STXBP5L: variants seen among roughly 807,000 people sequenced by gnomAD.
The protein encoded by STXBP5L is syntaxin binding protein 5L.
STXBP5L carries 65 observed loss-of-function variants against 144.5 expected under a neutral mutation model. That is an observed-to-expected ratio of 0.45 (90% CI 0.37 to 0.55). The LOEUF is 0.55. STXBP5L is among the 20% of genes least tolerant of loss of function. The pLI is 0.00. For synonymous variants in STXBP5L, 505 were observed against 469.6 expected (o/e 1.08, Z -0.97); for missense variants, 1,298 against 1,405.5 (o/e 0.92, Z 1.22).
intron 5 of STXBP5L, among the ~76,000 whole-genome samples, chr3:121,081,470 T>TAG (rs1369635796): frequency 2.2e-4 from 34 of 152,138 alleles, no homozygotes; most frequent in African/African-American, 7.7e-4. Context: ...TCTGTATGAG[T>TAG]TACTTAGTTA....
chr3:121,127,759 A>C (rs1259720487), intron 7 of STXBP5L, among the ~76,000 whole-genome samples: 2 of 151,960 alleles, frequency 1.3e-5, no homozygotes, highest in African/African-American at 4.8e-5. Context: ...CTGGGATGGA[A>C]AAATTTATAT....
chr3:121,355,796 T>C (rs1244632710), intron 20 of STXBP5L, among the ~76,000 whole-genome samples: 1 of 152,244 alleles, frequency 6.6e-6, no homozygotes, highest in Non-Finnish European at 1.5e-5. Flanking sequence ...TCAGCTTTTC[T>C]GCTCTGGTTT....
chr3:121,049,025 CCTT>C (rs1326022415), intron 5 of STXBP5L, among the ~76,000 whole-genome samples: 2 of 152,206 alleles, frequency 1.3e-5, no homozygotes, highest in Non-Finnish European at 2.9e-5. Context: ...CCTGCTTGCT[CCTT>C]CTGTGAGCTC....
chr3:121,017,728 A>T (rs2108185481), intron 3 of STXBP5L, among the ~76,000 whole-genome samples: 1 of 152,324 alleles, frequency 6.6e-6, no homozygotes, highest in Middle Eastern at 3.4e-3. Flanking sequence ...AATACATGTA[A>T]GATCTATATA....
At chr3:121,266,192 C>A (rs1022887618) in intron 18 of STXBP5L, among the ~76,000 whole-genome samples, 1 of 152,184 alleles carries the variant, frequency 6.6e-6, no homozygotes, top group African/African-American at 2.4e-5. Context: ...AAATGTCAGA[C>A]CAATATCCCT....
At chr3:120,973,102 G>A (rs1163046083) in intron 3 of STXBP5L, among the ~76,000 whole-genome samples, 1 of 151,948 alleles carries the variant, frequency 6.6e-6, no homozygotes, top group Non-Finnish European at 1.5e-5. Context: ...GAGTTATGTA[G>A]GATTCCCTTC....
chr3:121,362,864 C>T (rs2045754165), intron 20 of STXBP5L, among the ~76,000 whole-genome samples: 1 of 152,148 alleles, frequency 6.6e-6, no homozygotes, highest in Admixed American at 6.5e-5. Context: ...ACTGGCAAGT[C>T]TCAGGGGTTC....
chr3:121,012,530 T>G (rs1449860322), intron 3 of STXBP5L, among the ~76,000 whole-genome samples: 1 of 151,876 alleles, frequency 6.6e-6, no homozygotes, highest in African/African-American at 2.4e-5. Flanking sequence ...TCTTAGTGGC[T>G]GTAGAGTGGT....
At chr3:121,324,529 T>A (rs1288644906) in intron 20 of STXBP5L, 1 of 698,980 alleles carries the variant, frequency 1.4e-6, no homozygotes, top group East Asian at 2.7e-5. Flanking sequence ...GCACTAGGCT[T>A]TTATAGGAAT....
rs761531204 is a variant in STXBP5L, at chr3:121,418,492, G to A, written c.3382G>A (p.Glu1128Lys). 6.2e-7 allele frequency: 1 copy of A among 1,614,098 alleles called. No individual in the cohort carries two copies. Among genetic ancestry groups the A allele is most frequent in the Non-Finnish European group, 8.5e-7 (1 of 1,179,984 alleles). Residue 1128 changes from glutamate to lysine, a missense_variant, in exon 26 of 27, where the codon GAG becomes AAG. Physicochemically the swap from Glu to Lys is moderately conservative, Grantham distance 56. Transcript: ENST00000471454. ...ALDERGQRLG[E>K]LEEKTAGMMT... is the part of the protein sequence containing the mutation. ...TGATGAAAGAGGACAGAGGCTAGGA[G>A]AGCTGGAAGAGAAAACTGCAGGCAT...
chr3:121,325,629 C>A (rs969288904), intron 20 of STXBP5L, among the ~76,000 whole-genome samples: 1 of 151,834 alleles, frequency 6.6e-6, no homozygotes, highest in African/African-American at 2.4e-5. Context: ...ATATAGTTTA[C>A]CATTAAAGTT....
intron 14 of STXBP5L, 49 bp from the exon 15 acceptor site, chr3:121,250,671 TATG>T: frequency 6.9e-7 from 1 of 1,443,488 alleles, no homozygotes; most frequent in Non-Finnish European, 9.6e-7. Flanking sequence ...TTGGAGTGAT[TATG>T]ATTTTTATTT....
chr3:120,919,995 C>T (rs1006403708), intron 2 of STXBP5L, among the ~76,000 whole-genome samples: 12 of 151,304 alleles, frequency 7.9e-5, no homozygotes, highest in Admixed American at 3.9e-4. Context: ...TCTCTTTGTC[C>T]TTAGCCTATG....
intron 3 of STXBP5L, among the ~76,000 whole-genome samples, chr3:120,976,683 G>A (rs1046631331): frequency 6.6e-6 from 1 of 152,118 alleles, no homozygotes; most frequent in African/African-American, 2.4e-5. Flanking sequence ...TGGGCATTTA[G>A]TGCTATAAAT....
rs553067065 is a variant in STXBP5L, at chr3:121,103,475, G to A, written c.471-11450G>A. ...CAACACATGTTCTCAAGTATACATC[G>A]GAGCTAAACATTGGATGTACTTGGA... On this transcript the variant is annotated intron_variant, in intron 5 of 26. Coordinates refer to ENST00000471454, the MANE Select transcript of STXBP5L (RefSeq NM_001308330.2). Among the ~76,000 whole-genome samples, 8 of 152,094 alleles carry A rather than the reference G, an allele frequency of 5.3e-5. No individual in the cohort carries two copies. The East Asian group carries it at 7.7e-4, about 15-fold the overall frequency.
intron 20 of STXBP5L, among the ~76,000 whole-genome samples, chr3:121,319,772 A>G (rs1328423788): frequency 2.0e-5 from 3 of 152,216 alleles, no homozygotes; most frequent in African/African-American, 7.2e-5. Flanking sequence ...AATCTTCGAT[A>G]TAAAATATAA....
chr3:121,364,549 C>T (rs1028880495), intron 20 of STXBP5L, among the ~76,000 whole-genome samples: 7 of 150,926 alleles, frequency 4.6e-5, no homozygotes, highest in African/African-American at 2.4e-5. Context: ...TTTATATTGA[C>T]ATCTTAACAA....
intron 9 of STXBP5L, among the ~76,000 whole-genome samples, chr3:121,184,148 G>A (rs985124592): frequency 6.6e-6 from 1 of 151,954 alleles, no homozygotes; most frequent in Non-Finnish European, 1.5e-5. Flanking sequence ...AAACCAGAAT[G>A]CCTCTTCTCC....
chr3:121,418,541 C>A lies in STXBP5L; in HGVS notation c.3431C>A (p.Ser1144Tyr). 6.2e-7 allele frequency: 1 copy of A among 1,613,890 alleles called. No homozygotes were observed. Among genetic ancestry groups the A allele is most frequent in the East Asian group, 2.2e-5 (1 of 44,818 alleles). The change falls in exon 26 of 27, where the codon TCC becomes TAC. Residue 1144 changes from serine (S) to tyrosine (Y), a missense_variant. Transcript: ENST00000471454. ...ATGATGACCAGTGCAGAAGCATTTTCCAAACATGCACATGAGGTAAACTGC... is the reference window on the plus strand; with the variant it reads ...ATGATGACCAGTGCAGAAGCATTTTACAAACATGCACATGAGGTAAACTGC... ...AGMMTSAEAF[S>Y]KHAHELMLKY...
Sources: gnomAD v4.1 joint callset for allele counts (sites outside exome capture counted in the v4.1 genomes callset) on GRCh38, gnomAD v4.1.1 for gene constraint, MANE v1.5 for transcripts, NCBI Gene and HGNC (gene_info 2026-07-23, HGNC 2026-07-21) for gene names.